TNKS1BP1: variants seen among roughly 807,000 people sequenced by gnomAD.
The protein encoded by TNKS1BP1 is CCR4-NOT transcription complex subunit 12.
Under a neutral mutation model 141.1 loss-of-function variants are expected in TNKS1BP1, and 48 were observed. The observed-to-expected ratio is 0.34, with a 90% CI of 0.27 to 0.43. The LOEUF (loss-of-function observed/expected upper bound fraction) is 0.43. Among genes scored for constraint, TNKS1BP1 ranks in the 20% least tolerant of loss-of-function variants. The probability of loss-of-function intolerance (pLI) is 1.00; values close to 1 mark genes in which losing one functional copy is unlikely to be tolerated. For missense variants in TNKS1BP1, 2,149 were observed against 2,226.0 expected, an observed-to-expected ratio of 0.97 and a Z score of 0.70; for synonymous variants, 875 against 898.2, an observed-to-expected ratio of 0.97 and a Z score of 0.46.
rs763600053 is a variant in TNKS1BP1, at chr11:57,301,887, T to A, written c.4891A>T (p.Ser1631Cys). The change falls in exon 9 of 12, where the codon AGC becomes TGC. Residue 1631 changes from serine (S) to cysteine (C), a missense_variant. Physicochemically the swap from Ser to Cys is moderately radical, Grantham distance 112 (BLOSUM62 -1). Transcript: ENST00000358252. ...CCCAACGACATCCGTGTCCGGCGGC[T>A]CTGAGGTTCCTCCACTACCTCTTCA... ...SDEEVVEEPQ[S>C]RRTRMSLGTK... The A allele has an allele frequency of 3.7e-6, 6 of 1,613,922 alleles. No individual in the cohort carries two copies. The East Asian group carries it at 1.3e-4, about 36-fold the overall frequency.
Position 57,302,537 on chromosome 11 carries a change from C to T in TNKS1BP1, c.4605G>A (p.Gln1535=). 1 of 1,613,180 alleles carries T rather than the reference C, an allele frequency of 6.2e-7. No individual in the cohort carries two copies. The highest frequency in any genetic ancestry group is 8.5e-7 in the Non-Finnish European group (1 of 1,179,826). The part of the protein sequence containing the change: ...WGSSAARWSD[Q]GPAQTSRRPS... Reference sequence around the variant, plus strand: ...GTCGCCGAGAAGTCTGTGCTGGCCCCTGATCGCTCCACCTGGCTGCTGAAG... The same window carrying T: ...GTCGCCGAGAAGTCTGTGCTGGCCCTTGATCGCTCCACCTGGCTGCTGAAG... The change falls in exon 7 of 12, where the codon CAG becomes CAA. Residue 1535 remains glutamine (Q), a synonymous_variant. Coordinates refer to ENST00000358252, the MANE Select transcript of TNKS1BP1 (RefSeq NM_033396.3). This position sits in a 1 kb window ranked among gnomAD's most constrained non-coding sequence, Gnocchi z 5.5.
In TNKS1BP1 at chr11:57,313,235, A is replaced by C; in HGVS notation, c.1453T>G (p.Ser485Ala). 6.2e-7 allele frequency: 1 copy of C among 1,612,820 alleles called. No individual in the cohort carries two copies. Among genetic ancestry groups the C allele is most frequent in the South Asian group, 1.1e-5 (1 of 91,070 alleles). ...TCCAGCCGCCACACGCCCAGACCCG[A>C]GGGCCTCGTGGGGAAGGTCCATTCG... ...SFEWTFPTRP[S>A]GLGVWRLDSP... is the part of the protein sequence containing the mutation. Residue 485 changes from serine to alanine, a missense_variant, in exon 5 of 12, where the codon TCG becomes GCG. Transcript: ENST00000358252.
chr11:57,309,868 T>A lies in TNKS1BP1; in HGVS notation c.2843A>T (p.Gln948Leu), dbSNP rs751810501. ...AGCGCTCTTCCCAAACTCCTGTTCC[T>A]GTGGCTCCGCAGCCCGGCTGCCATA... ...GTYGSRAAEP[Q>L]EQEFGKSAWI... The change falls in exon 6 of 12, where the codon CAG (glutamine) becomes CTG (leucine). Residue 948 changes from glutamine (Q) to leucine (L), a missense_variant. Gln to Leu is a moderately radical substitution (Grantham distance 113). Coordinates refer to ENST00000358252, the MANE Select transcript of TNKS1BP1 (RefSeq NM_033396.3). The surrounding 1 kb of genome is among the most constrained non-coding windows in gnomAD (Gnocchi z 4.3). 3.1e-6 allele frequency: 5 copies of A among 1,614,098 alleles called. No individual in the cohort carries two copies. Among genetic ancestry groups the A allele is most frequent in the Non-Finnish European group, 4.2e-6 (5 of 1,180,040 alleles).
chr11:57,320,713 C>T lies in TNKS1BP1; in HGVS notation c.95-1G>A. 6.4e-7 allele frequency: 1 copy of T among 1,569,292 alleles called. No homozygotes were observed. The highest frequency in any genetic ancestry group is 8.6e-7 in the Non-Finnish European group (1 of 1,157,266). On this transcript the variant is annotated splice_acceptor_variant, in intron 2 of 11. Transcript: ENST00000358252. LOFTEE classifies it high-confidence loss of function. ...ACAGGGGGTTTGGCCCGAGTGTCAC[C>T]TACCAAAAGGAAAGGGTTGGTGGGG...
At chr11:57,319,677 G>A (rs1855851548) in intron 3 of TNKS1BP1, among the ~76,000 whole-genome samples, 1 of 147,094 alleles carries the variant, frequency 6.8e-6, no homozygotes, top group South Asian at 2.2e-4. Context: ...TGAGGAAGGA[G>A]AATCACTTGA....
In TNKS1BP1 at chr11:57,313,653, G is replaced by T; in HGVS notation, c.1035C>A (p.Asp345Glu). 1.3e-6 allele frequency: 2 copies of T among 1,558,628 alleles called. No homozygotes were observed. The highest frequency in any genetic ancestry group is 1.7e-6 in the Non-Finnish European group (2 of 1,151,606). The change falls in exon 5 of 12, where the codon GAC becomes GAA. Residue 345 changes from aspartate (D) to glutamate (E), a missense_variant. Asp to Glu is a conservative substitution (Grantham distance 45). Coordinates refer to ENST00000358252, the MANE Select transcript of TNKS1BP1 (RefSeq NM_033396.3). Reference sequence around the variant, plus strand: ...GGCTGGGGGTGTGGCGGGAGCCCTCGTCAGGCAGGGCTGCACTTGGAGCTG... The same window carrying T: ...GGCTGGGGGTGTGGCGGGAGCCCTCTTCAGGCAGGGCTGCACTTGGAGCTG... Reference protein sequence around the residue: ...TPSAPSAALPDEGSRHTPSPG... With the variant: ...TPSAPSAALPEEGSRHTPSPG...
Position 57,313,015 on chromosome 11 carries a change from C to T in TNKS1BP1, c.1673G>A (p.Gly558Glu). 1 of 1,613,942 alleles carries T rather than the reference C, an allele frequency of 6.2e-7. No individual in the cohort carries two copies. Among genetic ancestry groups the T allele is most frequent in the Non-Finnish European group, 8.5e-7 (1 of 1,180,008 alleles). ...AGCTGGGAATTGAGGTTGACTCTCC[C>T]CATCGCCCTTCTGGGTGAGGGACAT... ...PSMSLTQKGD[G>E]ESQPQFPAVP... The change falls in exon 5 of 12, where the codon GGG becomes GAG. Residue 558 changes from glycine to glutamate, a missense_variant. Gly to Glu is a moderately conservative substitution (Grantham distance 98). Coordinates refer to ENST00000358252, the MANE Select transcript of TNKS1BP1 (RefSeq NM_033396.3).
In TNKS1BP1 at chr11:57,313,012, T is replaced by C. The variant is rs543008658; in HGVS notation, c.1676A>G (p.Glu559Gly). Residue 559 changes from glutamate to glycine, a missense_variant, in exon 5 of 12, where the codon GAG (glutamate) becomes GGG (glycine). Coordinates refer to ENST00000358252, the MANE Select transcript of TNKS1BP1 (RefSeq NM_033396.3). The stretch of plus-strand genomic sequence containing the variant: ...AACAGCTGGGAATTGAGGTTGACTC[T>C]CCCCATCGCCCTTCTGGGTGAGGGA... The part of the protein sequence containing the change: ...SMSLTQKGDG[E>G]SQPQFPAVPL... The C allele has an allele frequency of 6.5e-5, 105 of 1,613,882 alleles. No homozygotes were observed. The East Asian group carries it at 1.2e-3, about 18-fold the overall frequency.
At chr11:57,324,333 G>T (rs1304971127) in intron 1 of TNKS1BP1, among the ~76,000 whole-genome samples, 2 of 152,198 alleles carry the variant, frequency 1.3e-5, no homozygotes, top group Admixed American at 1.3e-4. Context: ...CAGAAGGGAC[G>T]GCGGCAGCCG....
Position 57,301,860 on chromosome 11 carries a change from T to C in TNKS1BP1, c.4918A>G (p.Thr1640Ala). The change falls in exon 9 of 12, where the codon ACC becomes GCC. Residue 1640 changes from threonine (T) to alanine (A), a missense_variant. Physicochemically the swap from Thr to Ala is moderately conservative, Grantham distance 58. Coordinates refer to ENST00000358252, the MANE Select transcript of TNKS1BP1 (RefSeq NM_033396.3). The part of the protein sequence containing the change: ...QSRRTRMSLG[T>A]KGLKVNLFPG... ...AAGAGGTTGACTTTCAGCCCCTTGG[T>C]GCCCAACGACATCCGTGTCCGGCGG... 6.2e-7 allele frequency: 1 copy of C among 1,614,180 alleles called. No individual in the cohort carries two copies. The highest frequency in any genetic ancestry group is 8.5e-7 in the Non-Finnish European group (1 of 1,180,042).
At chr11:57,304,820 C>G (rs916125900) in intron 6 of TNKS1BP1, among the ~76,000 whole-genome samples, 2 of 134,896 alleles carry the variant, frequency 1.5e-5, no homozygotes, top group African/African-American at 2.7e-5. Context: ...TGCAGTGAGC[C>G]AAGACCGCGC....
In TNKS1BP1 at chr11:57,300,942, T is replaced by G; in HGVS notation, c.5071A>C (p.Lys1691Gln). Residue 1691 changes from lysine (K) to glutamine (Q), a missense_variant, in exon 10 of 12, where the codon AAG becomes CAG. Transcript: ENST00000358252. The part of the protein sequence containing the change: ...ESAVQRSKSC[K>Q]VPGLGKPLTL... ...AGGGGCTTTCCCAGTCCTGGGACCT[T>G]GCAGGATTTCGAACGCTGGACCGCG... 6.2e-7 allele frequency: 1 copy of G among 1,614,162 alleles called. No individual in the cohort carries two copies. Among genetic ancestry groups the G allele is most frequent in the Non-Finnish European group, 8.5e-7 (1 of 1,180,024 alleles).
chr11:57,322,866 G>C (rs1334800966), intron 1 of TNKS1BP1, among the ~76,000 whole-genome samples: 3 of 152,224 alleles, frequency 2.0e-5, no homozygotes, highest in Non-Finnish European at 2.9e-5. Flanking sequence ...TCACTCACCA[G>C]CCTAGGGTTG....
At position 57,309,919 on chromosome 11, in the gene TNKS1BP1, T is replaced by C. The variant is rs140883941; in HGVS notation, c.2792A>G (p.Gln931Arg). ...QDADEQDWEF[Q>R]KRDVSLGTYG... ...GGTGCCGAGTGACACATCTCTCTTC[T>C]GAAACTCCCAGTCCTGCTCATCGGC... The change falls in exon 6 of 12, where the codon CAG becomes CGG. Residue 931 changes from glutamine to arginine, a missense_variant. By Grantham distance (43) the Gln-to-Arg change is conservative. Coordinates refer to ENST00000358252, the MANE Select transcript of TNKS1BP1 (RefSeq NM_033396.3). This position sits in a 1 kb window ranked among gnomAD's most constrained non-coding sequence, Gnocchi z 4.3. The C allele has an allele frequency of 1.6e-5, 26 of 1,614,034 alleles. No homozygotes were observed. In the African/African-American group the frequency reaches 2.9e-4, roughly 18 times the overall value.
Position 57,308,892 on chromosome 11 carries a change from C to T in TNKS1BP1, c.3819G>A (p.Glu1273=), listed in dbSNP as rs1855656363. 1.2e-5 allele frequency: 19 copies of T among 1,613,880 alleles called. No individual in the cohort carries two copies. Among genetic ancestry groups the T allele is most frequent in the Middle Eastern group, 1.6e-4 (1 of 6,084 alleles). Residue 1273 remains glutamate, a synonymous_variant, in exon 6 of 12, where the codon GAG becomes GAA. Coordinates refer to ENST00000358252, the MANE Select transcript of TNKS1BP1 (RefSeq NM_033396.3). ...TCCAGTCTGCCTGTCCAACTCCACG[C>T]TCCCTTGATTTAAGGAACTCTCCGG... ...VEAGEFLKSR[E]RGVGQADWTP... is the part of the protein sequence containing the mutation.
At position 57,313,540 on chromosome 11, in the gene TNKS1BP1, G is replaced by A. The variant is rs1243297516; in HGVS notation, c.1148C>T (p.Pro383Leu). ...EVLEPHSLDQ[P>L]PATSPRPLIE... ...CAGGGGCCGGGGTGAGGTGGCAGGG[G>A]GCTGATCCAGGCTATGGGGCTCCAA... Residue 383 changes from proline to leucine, a missense_variant, in exon 5 of 12, where the codon CCC becomes CTC. Coordinates refer to ENST00000358252, the MANE Select transcript of TNKS1BP1 (RefSeq NM_033396.3). 1.3e-6 allele frequency: 2 copies of A among 1,572,672 alleles called. No individual in the cohort carries two copies. The highest frequency in any genetic ancestry group is 2.2e-5 in the East Asian group (1 of 44,538).
chr11:57,314,328 A>C (rs1157668942), intron 4 of TNKS1BP1, among the ~76,000 whole-genome samples: 1 of 152,198 alleles, frequency 6.6e-6, no homozygotes, highest in Admixed American at 6.5e-5. Context: ...TCCAAGCAGG[A>C]TTCGAGGTGC....
At position 57,313,422 on chromosome 11, in the gene TNKS1BP1, G is replaced by A; in HGVS notation, c.1266C>T (p.Ser422=). 2 of 1,610,924 alleles carry A rather than the reference G, an allele frequency of 1.2e-6. No individual in the cohort carries two copies. The highest frequency in any genetic ancestry group is 1.7e-6 in the Non-Finnish European group (2 of 1,178,490). Residue 422 remains serine (S), a synonymous_variant, in exon 5 of 12, where the codon AGC becomes AGT. Coordinates refer to ENST00000358252, the MANE Select transcript of TNKS1BP1 (RefSeq NM_033396.3). ...CTTCAGAGAATCGGCGCTGAACCAG[G>A]CTGGTGGGGCGGAGGTGTGCGTCAC... ...AKGDAHLRPT[S]LVQRRFSEGV...
Position 57,312,683 on chromosome 11 carries a change from A to T in TNKS1BP1, c.2005T>A (p.Cys669Ser). 6.3e-7 allele frequency: 1 copy of T among 1,579,830 alleles called. No homozygotes were observed. Among genetic ancestry groups the T allele is most frequent in the Non-Finnish European group, 8.6e-7 (1 of 1,164,148 alleles). The change falls in exon 5 of 12, where the codon TGT becomes AGT. Residue 669 changes from cysteine (C) to serine (S), a missense_variant. Coordinates refer to ENST00000358252, the MANE Select transcript of TNKS1BP1 (RefSeq NM_033396.3). ...TQARTEAQDL[C>S]RASPEPPGPE... ...CCTGGAGGCTCGGGGGATGCCCTACACAAGTCTTGAGCCTCTGTCCTGGCT... is the reference window on the plus strand; with the variant it reads ...CCTGGAGGCTCGGGGGATGCCCTACTCAAGTCTTGAGCCTCTGTCCTGGCT...
Sources: allele counts gnomAD v4.1 joint callset (sites outside exome capture counted in the v4.1 genomes callset), GRCh38; gene constraint gnomAD v4.1.1; non-coding constraint Gnocchi (gnomAD v3.1); transcripts MANE v1.5; gene names NCBI Gene and HGNC (gene_info 2026-07-23, HGNC 2026-07-21).